KCNB2: variants seen among roughly 807,000 people sequenced by gnomAD.
KCNB2 encodes delayed rectifier potassium channel protein.
Under a neutral mutation model 61.5 loss-of-function variants are expected in KCNB2, and 15 were observed. The ratio of observed to expected loss-of-function variants is 0.24; its 90% CI spans 0.16 to 0.38. The LOEUF (loss-of-function observed/expected upper bound fraction) is 0.38, where lower values mean the gene tolerates loss of function less well. KCNB2 is among the 10% of genes least tolerant of loss of function. The pLI, the probability that KCNB2 is intolerant of heterozygous loss-of-function variation, is 1.00. For missense variants in KCNB2, 828 were observed against 1,125.2 expected (o/e 0.74, Z 3.78); for synonymous variants, 457 against 446.0 (o/e 1.02, Z -0.31).
chr8:72,614,687 T>C (rs1805591448), intron 2 of KCNB2, among the ~76,000 whole-genome samples: 1 of 152,176 alleles, frequency 6.6e-6, no homozygotes, highest in African/African-American at 2.4e-5. Context: ...TTTAAATCTG[T>C]CATCTTGTGG....
chr8:72,572,303 G>A (rs750616447), intron 2 of KCNB2, among the ~76,000 whole-genome samples: 1 of 152,164 alleles, frequency 6.6e-6, no homozygotes, highest in African/African-American at 2.4e-5. Context: ...CTGATCTCAG[G>A]TGTCAGGTCA....
At chr8:72,923,527 G>A (rs1288533230) in intron 2 of KCNB2, among the ~76,000 whole-genome samples, 1 of 152,010 alleles carries the variant, frequency 6.6e-6, no homozygotes, top group African/African-American at 2.4e-5. Flanking sequence ...CCAAAGGGTG[G>A]AGCACATAAT....
At chr8:72,688,770 A>C (rs1042278470) in intron 2 of KCNB2, among the ~76,000 whole-genome samples, 2 of 152,180 alleles carry the variant, frequency 1.3e-5, no homozygotes, top group Non-Finnish European at 2.9e-5. Flanking sequence ...TCTGTTACCC[A>C]GGCTATAGTG....
At chr8:72,658,490 C>T (rs1806327874) in intron 2 of KCNB2, among the ~76,000 whole-genome samples, 1 of 152,134 alleles carries the variant, frequency 6.6e-6, no homozygotes, top group African/African-American at 2.4e-5. Context: ...GGTGAAGCAA[C>T]AAGGGCTGAT....
chr8:72,868,340 G>A (rs770983905), intron 2 of KCNB2, among the ~76,000 whole-genome samples: 1 of 151,840 alleles, frequency 6.6e-6, no homozygotes, highest in South Asian at 2.1e-4. Context: ...AGCACTTTGG[G>A]AGGCTGAGGC....
intron 2 of KCNB2, among the ~76,000 whole-genome samples, chr8:72,609,777 A>T (rs1182606449): frequency 6.6e-6 from 1 of 152,212 alleles, no homozygotes; most frequent in Non-Finnish European, 1.5e-5. Flanking sequence ...CACTATGTTT[A>T]TGTGTGCACT....
intron 2 of KCNB2, among the ~76,000 whole-genome samples, chr8:72,674,503 T>A (rs1289987586): frequency 6.6e-6 from 1 of 152,262 alleles, no homozygotes; most frequent in Non-Finnish European, 1.5e-5. Flanking sequence ...TTTATAAACA[T>A]ACTTTTATTC....
At chr8:72,850,185 ATGTAAGTGTG>A (rs1810070361) in intron 2 of KCNB2, among the ~76,000 whole-genome samples, 1 of 135,002 alleles carries the variant, frequency 7.4e-6, no homozygotes, top group Non-Finnish European at 1.6e-5. Flanking sequence ...GTGTGAGTGT[ATGTAAGTGTG>A]TGTGTGTGTG....
chr8:72,922,674 C>T (rs1806546774), intron 2 of KCNB2, among the ~76,000 whole-genome samples: 1 of 152,164 alleles, frequency 6.6e-6, no homozygotes, highest in South Asian at 2.1e-4. Flanking sequence ...CCAAAAGGCC[C>T]CACCTCTTAG....
At chr8:72,575,801 A>G (rs2128979754) in intron 2 of KCNB2, among the ~76,000 whole-genome samples, 1 of 152,308 alleles carries the variant, frequency 6.6e-6, no homozygotes, top group Middle Eastern at 3.4e-3. Context: ...CATCACAGTA[A>G]CTCTAGAGAA....
At position 72,799,892 on chromosome 8, in the gene KCNB2, T is replaced by G. The variant is rs147829841; in HGVS notation, c.580-136043T>G. ...AAGGATAAGAGATTTTCAGTCCTGC[T>G]TAGAGCAGGACAGTTTACCTGTTGG... On this transcript the variant is annotated intron_variant, in intron 2 of 2. Transcript: ENST00000523207. Among the ~76,000 whole-genome samples the G allele has an allele frequency of 2.5e-3, 374 of 152,232 alleles. 2 individuals carry two copies. The highest frequency in any genetic ancestry group is 4.0e-3 in the Non-Finnish European group (272 of 68,012).
chr8:72,799,060 C>CTTTA (rs1809079327), intron 2 of KCNB2, among the ~76,000 whole-genome samples: 1 of 152,130 alleles, frequency 6.6e-6, no homozygotes, highest in African/African-American at 2.4e-5. Flanking sequence ...TAGTTATAGG[C>CTTTA]TTTAGTTCCA....
Position 72,567,903 on chromosome 8 carries a change from C to T in KCNB2, c.169C>T (p.Pro57Ser), listed in dbSNP as rs779546239. 1 of 1,613,796 alleles carries T rather than the reference C, an allele frequency of 6.2e-7. No individual in the cohort carries two copies. Among genetic ancestry groups the T allele is most frequent in the Non-Finnish European group, 8.5e-7 (1 of 1,179,920 alleles). Reference protein sequence around the residue: ...EVLWRTLDRLPRTRLGKLRDC... With the variant: ...EVLWRTLDRLSRTRLGKLRDC... ...CCTGTGGAGAACGCTGGACAGGCTG[C>T]CCAGGACGCGCCTGGGGAAGCTTCG... Residue 57 changes from proline (P) to serine (S), a missense_variant, in exon 2 of 3, where the codon CCC becomes TCC. Pro to Ser is a moderately conservative substitution (Grantham distance 74). Transcript: ENST00000523207.
intron 2 of KCNB2, among the ~76,000 whole-genome samples, chr8:72,789,762 T>C (rs1364272766): frequency 6.6e-6 from 1 of 151,972 alleles, no homozygotes; most frequent in African/African-American, 2.4e-5. Context: ...TATTCTGGCA[T>C]GGAGAGGGCA....
chr8:72,778,307 C>T (rs1297244114), intron 2 of KCNB2, among the ~76,000 whole-genome samples: 1 of 152,060 alleles, frequency 6.6e-6, no homozygotes, highest in Non-Finnish European at 1.5e-5. Flanking sequence ...AAGTTATTTC[C>T]ATTGGCCCCT....
intron 2 of KCNB2, among the ~76,000 whole-genome samples, chr8:72,821,351 C>A (rs141659632): frequency 1.3e-5 from 2 of 152,180 alleles, no homozygotes; most frequent in East Asian, 3.9e-4. Context: ...TAAAGAAGAT[C>A]TGTACAACAT....
chr8:72,787,196 G>T (rs184466343), intron 2 of KCNB2, among the ~76,000 whole-genome samples: 155 of 152,090 alleles, frequency 1.0e-3, no homozygotes, highest in African/African-American at 3.5e-3. Context: ...AAATGAATGG[G>T]TAAGCCTGGG....
At chr8:72,681,819 A>G (rs1297941425) in intron 2 of KCNB2, among the ~76,000 whole-genome samples, 1 of 152,054 alleles carries the variant, frequency 6.6e-6, no homozygotes, top group Non-Finnish European at 1.5e-5. Context: ...GGTGATAGTA[A>G]TTTTTTCAGC....
In KCNB2 at chr8:72,707,439, T is replaced by C. The variant is rs192582204; in HGVS notation, c.579+139126T>C. 3.3e-5 allele frequency among the ~76,000 whole-genome samples: 5 copies of C among 152,332 alleles called. No individual in the cohort carries two copies. The East Asian group carries it at 9.7e-4, about 29-fold the overall frequency. The stretch of plus-strand genomic sequence containing the variant: ...ATCATTGATCTGCAAGCATAGCTTT[T>C]TGTTTGGTTGGGTTCCTTGGGTCTT... On this transcript the variant is annotated intron_variant, in intron 2 of 2. Coordinates refer to ENST00000523207, the MANE Select transcript of KCNB2 (RefSeq NM_004770.3).
Sources: gnomAD v4.1 joint callset for allele counts (sites outside exome capture counted in the v4.1 genomes callset) on GRCh38, gnomAD v4.1.1 for gene constraint, MANE v1.5 for transcripts, NCBI Gene and HGNC (gene_info 2026-07-23, HGNC 2026-07-21) for gene names.